The following GRIK4 variants were observed in gnomAD, a reference collection of about 807,000 sequenced individuals.
GRIK4 encodes glutamate receptor ionotropic, kainate 4.
Under a neutral mutation model 104.9 loss-of-function variants are expected in GRIK4, and 40 were observed. That is an observed-to-expected ratio of 0.38 (90% CI 0.30 to 0.50). GRIK4 has a LOEUF of 0.50. Ranked by LOEUF, GRIK4 falls within the 20% of genes least tolerant of loss-of-function variation. GRIK4 has a pLI of 0.93. For missense variants in GRIK4, 1,047 were observed against 1,308.1 expected, an observed-to-expected ratio of 0.80 and a Z score of 3.08; for synonymous variants, 485 against 524.9, an observed-to-expected ratio of 0.92 and a Z score of 1.04.
chr11:120,568,499 T>C (rs935162224), intron 1 of GRIK4, among the ~76,000 whole-genome samples: 6 of 152,080 alleles, frequency 3.9e-5, no homozygotes, highest in Non-Finnish European at 7.4e-5. Flanking sequence ...GTGATTCCCC[T>C]GCTTCAGCCT....
At chr11:120,697,625 A>G (rs1382484271) in intron 3 of GRIK4, among the ~76,000 whole-genome samples, 1 of 152,090 alleles carries the variant, frequency 6.6e-6, no homozygotes, top group Admixed American at 6.5e-5. Context: ...CAAAAAAAAG[A>G]ATTTGTATTC....
chr11:120,526,291 A>G (rs1253717650), intron 1 of GRIK4, among the ~76,000 whole-genome samples: 1 of 151,850 alleles, frequency 6.6e-6, no homozygotes, highest in African/African-American at 2.4e-5. Flanking sequence ...GCTCAGGGTG[A>G]TTCTCCCACC....
chr11:120,705,381 T>A (rs11217982), intron 3 of GRIK4, among the ~76,000 whole-genome samples: 35,964 of 151,828 alleles, frequency 0.24, 6,204 homozygotes, highest in African/African-American at 0.49. Flanking sequence ...GCCTGCCACC[T>A]TGCCCAGCTA....
intron 16 of GRIK4, 79 bp downstream of exon 16, chr11:120,957,032 T>A: frequency 8.2e-7 from 1 of 1,221,436 alleles, no homozygotes; most frequent in Non-Finnish European, 1.1e-6. Context: ...CGGCTCTAGC[T>A]TCTAGAGCCC....
At chr11:120,823,822 C>G (rs111543826) in intron 6 of GRIK4, among the ~76,000 whole-genome samples, 223 of 152,322 alleles carry the variant, frequency 1.5e-3, no homozygotes, top group Non-Finnish European at 1.7e-3. Flanking sequence ...GCGGACTTGG[C>G]AGGCACACAA....
At chr11:120,901,544 C>T (rs7115560) in intron 12 of GRIK4, among the ~76,000 whole-genome samples, 12,994 of 152,130 alleles carry the variant, frequency 0.085, 1,862 homozygotes, top group African/African-American at 0.29. Flanking sequence ...TATTAGAGGT[C>T]ATTATTTAAA....
chr11:120,637,127 G>A (rs1240473285), intron 1 of GRIK4, among the ~76,000 whole-genome samples: 2 of 151,886 alleles, frequency 1.3e-5, no homozygotes, highest in South Asian at 2.1e-4. Flanking sequence ...AGAAGAGGAG[G>A]GAAGGAGGTG....
chr11:120,588,968 A>G (rs1591717671), intron 1 of GRIK4, among the ~76,000 whole-genome samples: 2 of 152,280 alleles, frequency 1.3e-5, no homozygotes, highest in Middle Eastern at 3.4e-3. Context: ...TCAGGTCAAG[A>G]AAGTTGGGAC....
At chr11:120,722,344 C>A (rs894707095) in intron 3 of GRIK4, among the ~76,000 whole-genome samples, 1 of 152,284 alleles carries the variant, frequency 6.6e-6, no homozygotes, top group Non-Finnish European at 1.5e-5. Context: ...TGGGGCCGGG[C>A]GCAGTGGCTC....
chr11:120,861,585 A>G (rs1592000059), intron 8 of GRIK4, among the ~76,000 whole-genome samples: 2 of 151,962 alleles, frequency 1.3e-5, no homozygotes, highest in South Asian at 2.1e-4. Flanking sequence ...ACCACTCACA[A>G]TTCTCCACCC....
At chr11:120,568,640 G>T (rs768877603) in intron 1 of GRIK4, among the ~76,000 whole-genome samples, 1 of 152,050 alleles carries the variant, frequency 6.6e-6, no homozygotes, top group African/African-American at 2.4e-5. Context: ...CACCTACCTC[G>T]GCCCCCCAAA....
At chr11:120,964,761 AAT>A (rs1433366557) in intron 18 of GRIK4, among the ~76,000 whole-genome samples, 1 of 152,162 alleles carries the variant, frequency 6.6e-6, no homozygotes, top group Non-Finnish European at 1.5e-5. Flanking sequence ...TCTCTCACTT[AAT>A]AGTCCCCCCT....
At chr11:120,862,302 G>A (rs1360669737) in intron 9 of GRIK4, 182 bp downstream of exon 9, 1 of 586,986 alleles carries the variant, frequency 1.7e-6, no homozygotes, top group Admixed American at 3.0e-5. Flanking sequence ...GGGAAGCAAT[G>A]AGCTGTAGAC....
intron 1 of GRIK4, among the ~76,000 whole-genome samples, chr11:120,607,083 A>G (rs1052243394): frequency 3.3e-5 from 5 of 152,112 alleles, no homozygotes; most frequent in African/African-American, 4.8e-5. Context: ...GATGGTTTGG[A>G]GCAGGGCAAG....
chr11:120,533,040 G>A (rs1319258695), intron 1 of GRIK4, among the ~76,000 whole-genome samples: 1 of 152,166 alleles, frequency 6.6e-6, no homozygotes, highest in East Asian at 1.9e-4. Flanking sequence ...TGCCAAGGTG[G>A]AGGCCAATGT....
At chr11:120,835,835 G>A (rs1953561489) in intron 7 of GRIK4, among the ~76,000 whole-genome samples, 1 of 152,152 alleles carries the variant, frequency 6.6e-6, no homozygotes. Context: ...GGGAAGGTTG[G>A]CTAGGGGTAT....
intron 12 of GRIK4, among the ~76,000 whole-genome samples, chr11:120,904,679 A>G (rs1484255535): frequency 6.6e-6 from 1 of 152,170 alleles, no homozygotes; most frequent in Non-Finnish European, 1.5e-5. Flanking sequence ...TGGAAGGTCC[A>G]TCGTCCACTG....
chr11:120,725,493 C>T (rs1045327515), intron 3 of GRIK4, among the ~76,000 whole-genome samples: 2 of 152,072 alleles, frequency 1.3e-5, no homozygotes, highest in African/African-American at 2.4e-5. Flanking sequence ...CCCTGACCAA[C>T]TAAAACTAGG....
In GRIK4 at chr11:120,741,282, T is replaced by TTTC. The variant is rs1196222314; in HGVS notation, c.83-61409_83-61408insCTT. On this transcript the variant is annotated intron_variant, in intron 3 of 20. Coordinates refer to ENST00000527524, the MANE Select transcript of GRIK4 (RefSeq NM_014619.5). ...GAACAGGCCGTGTGCTTTCTTTTTT[T>TTTC]TTTTTTTTTTTTTTTTGAGACGGAG... 4.0e-3 allele frequency among the ~76,000 whole-genome samples: 570 copies of TTTC among 141,336 alleles called. 5 individuals are homozygous for TTTC. The highest frequency in any genetic ancestry group is 0.014 in the African/African-American group (529 of 38,348). 92.7% of individuals were successfully genotyped at this position (141,336 alleles called of 152,430 possible).
Sources: gnomAD v4.1 joint callset for allele counts (sites outside exome capture counted in the v4.1 genomes callset) on GRCh38, gnomAD v4.1.1 for gene constraint, MANE v1.5 for transcripts, NCBI Gene and HGNC (gene_info 2026-07-23, HGNC 2026-07-21) for gene names.